Variants in TMEM177 observed in about 807,000 individuals in gnomAD.
The protein encoded by TMEM177 is transmembrane protein 177.
A neutral mutation model predicts 14.2 loss-of-function variants in TMEM177; 4 were observed. That is an observed-to-expected ratio of 0.28 (90% CI 0.14 to 0.64). The LOEUF is 0.64. Among genes scored for constraint, TMEM177 ranks in the 30% least tolerant of loss-of-function variants. The pLI is 0.82. For synonymous variants in TMEM177, 179 were observed against 174.5 expected (o/e 1.03, Z -0.20); for missense variants, 344 against 405.2 (o/e 0.85, Z 1.30).
At chr2:119,693,001 A>G in the TMEM177 span, among the ~76,000 whole-genome samples, 1,111 of 135,432 alleles carry the variant, frequency 8.2e-3, 8 homozygotes, top group Non-Finnish European at 0.013. Context: ...AAAAAAAGGC[A>G]GGGATTTGTC....
At chr2:119,694,346 ACC>A in the TMEM177 span, among the ~76,000 whole-genome samples, 7 of 151,168 alleles carry the variant, frequency 4.6e-5, no homozygotes, top group Admixed American at 3.3e-4. Flanking sequence ...ACACACACAC[ACC>A]CACACACACA....
At chr2:119,703,338 C>T in the TMEM177 span, among the ~76,000 whole-genome samples, 7 of 152,134 alleles carry the variant, frequency 4.6e-5, no homozygotes, top group African/African-American at 7.2e-5. Context: ...TGGGGTTTCT[C>T]GCCTGAACTC....
At chr2:119,695,337 G>A in the TMEM177 span, among the ~76,000 whole-genome samples, 6 of 152,292 alleles carry the variant, frequency 3.9e-5, no homozygotes, top group East Asian at 1.9e-4. Context: ...TTGTGGTTAC[G>A]AGCCCTCCCC....
At chr2:119,692,009 T>C in the TMEM177 span, among the ~76,000 whole-genome samples, 1 of 152,200 alleles carries the variant, frequency 6.6e-6, no homozygotes, top group South Asian at 2.1e-4. Context: ...GCACAACCGA[T>C]GTCACAGGTG....
At chr2:119,689,543 A>G (rs146959080), downstream of TMEM177, among the ~76,000 whole-genome samples, 845 of 152,370 alleles carry the variant, frequency 5.5e-3, 8 homozygotes, top group African/African-American at 0.019. Flanking sequence ...ATAAGAACTC[A>G]TAAAATTTCC....
downstream of TMEM177, among the ~76,000 whole-genome samples, chr2:119,684,316 G>C (rs1688974653): frequency 6.6e-6 from 1 of 152,064 alleles, no homozygotes. Context: ...AGGGGAAACT[G>C]TTCACTCACA....
the TMEM177 span, among the ~76,000 whole-genome samples, chr2:119,708,565 C>T: frequency 8.5e-5 from 13 of 152,062 alleles, no homozygotes; most frequent in Non-Finnish European, 1.9e-4. Flanking sequence ...AAACAAGGTT[C>T]ACACATTGCA....
At chr2:119,694,638 G>C in the TMEM177 span, among the ~76,000 whole-genome samples, 1 of 152,216 alleles carries the variant, frequency 6.6e-6, no homozygotes, top group African/African-American at 2.4e-5. Flanking sequence ...TGCTCTGGCC[G>C]GTGGATTTCA....
the TMEM177 span, among the ~76,000 whole-genome samples, chr2:119,703,003 GC>G: frequency 6.6e-6 from 1 of 152,348 alleles, no homozygotes; most frequent in East Asian, 1.9e-4. Context: ...TCCCGCAGAT[GC>G]CCTATCTGGC....
the TMEM177 span, among the ~76,000 whole-genome samples, chr2:119,709,840 T>A: frequency 2.6e-5 from 4 of 151,880 alleles, no homozygotes; most frequent in Non-Finnish European, 5.9e-5. Context: ...AATAAACAAA[T>A]AAATAAATAA....
downstream of TMEM177, among the ~76,000 whole-genome samples, chr2:119,684,937 C>A (rs1243994316): frequency 6.6e-6 from 1 of 152,140 alleles, no homozygotes; most frequent in African/African-American, 2.4e-5. Flanking sequence ...GGCTTTGTCG[C>A]TAAGTTGGGT....
chr2:119,691,696 G>A, the TMEM177 span, among the ~76,000 whole-genome samples: 31 of 152,312 alleles, frequency 2.0e-4, no homozygotes, highest in South Asian at 8.3e-4. Flanking sequence ...GGAGTGTGGC[G>A]TGTGGGGAGG....
At chr2:119,680,748 A>T (rs1031339866) in intron 1 of TMEM177, 84 bp from the exon 2 acceptor site, 1 of 1,106,416 alleles carries the variant, frequency 9.0e-7, no homozygotes, top group East Asian at 2.6e-5. Flanking sequence ...ACTTTGGTTT[A>T]AAAAGGTGGT....
the TMEM177 span, among the ~76,000 whole-genome samples, chr2:119,696,091 C>A: frequency 3.3e-5 from 5 of 152,364 alleles, no homozygotes; most frequent in East Asian, 5.8e-4. Flanking sequence ...ACCATCTCAT[C>A]TCTGTGGCTG....
At chr2:119,693,069 A>C in the TMEM177 span, among the ~76,000 whole-genome samples, 151,446 of 152,018 alleles carry the variant, frequency 1, 75,440 homozygotes, top group Middle Eastern at 1. Context: ...CACAAAGCTG[A>C]AGGCAGTGGG....
the TMEM177 span, among the ~76,000 whole-genome samples, chr2:119,693,956 CAACAT>C: frequency 0.15 from 273 of 1,816 alleles, 2 homozygotes; most frequent in South Asian, 0.21. Context: ...CACACACATG[CAACAT>C]ACCACACACA....
chr2:119,718,644 T>C, the TMEM177 span, among the ~76,000 whole-genome samples: 11 of 152,214 alleles, frequency 7.2e-5, 1 homozygote, highest in Non-Finnish European at 2.9e-5. Flanking sequence ...CCAGTGTGTT[T>C]TGAGCCCCCA....
chr2:119,708,644 GACACACACAC>G, the TMEM177 span, among the ~76,000 whole-genome samples: 9 of 146,842 alleles, frequency 6.1e-5, no homozygotes, highest in Admixed American at 3.4e-4. Flanking sequence ...ATCACACGCA[GACACACACAC>G]ACACACACAC....
chr2:119,699,617 C>T, the TMEM177 span, among the ~76,000 whole-genome samples: 2 of 152,150 alleles, frequency 1.3e-5, no homozygotes, highest in Non-Finnish European at 2.9e-5. Context: ...GTGAATTTCC[C>T]AAGGCTCCAC....
Sources: allele counts gnomAD v4.1 joint callset (sites outside exome capture counted in the v4.1 genomes callset), GRCh38; gene constraint gnomAD v4.1.1; transcripts MANE v1.5; gene names NCBI Gene and HGNC (gene_info 2026-07-23, HGNC 2026-07-21).